PON3: variants seen among roughly 807,000 people sequenced by gnomAD.
PON3 encodes the protein paraoxonase 3.
PON3 carries 37 observed loss-of-function variants against 36.3 expected under a neutral mutation model. The observed-to-expected ratio is 1.02, with a 90% CI of 0.78 to 1.34. PON3 has a LOEUF of 1.34. Ranked by LOEUF, PON3 falls within the 40% of genes most tolerant of loss-of-function variation. The pLI, the probability that PON3 is intolerant of heterozygous loss-of-function variation, is 0.00. For synonymous variants in PON3, 155 were observed against 154.8 expected, an observed-to-expected ratio of 1.00 and a Z score of -0.01; for missense variants, 415 against 426.5, an observed-to-expected ratio of 0.97 and a Z score of 0.24.
At chr7:95,391,240 T>C (rs1809310609) in intron 2 of PON3, among the ~76,000 whole-genome samples, 1 of 152,142 alleles carries the variant, frequency 6.6e-6, no homozygotes, top group African/African-American at 2.4e-5. Flanking sequence ...TGGAACCTAT[T>C]ATGGAGTAGA....
chr7:95,380,372 GAGA>G (rs1809019353), intron 3 of PON3, among the ~76,000 whole-genome samples: 1 of 152,196 alleles, frequency 6.6e-6, no homozygotes, highest in Non-Finnish European at 1.5e-5. Flanking sequence ...GATGAGTTGA[GAGA>G]AGAAGGTTTC....
chr7:95,382,704 A>G (rs910062052), intron 3 of PON3, among the ~76,000 whole-genome samples: 3 of 152,222 alleles, frequency 2.0e-5, no homozygotes, highest in African/African-American at 7.2e-5. Context: ...AATTGAGACA[A>G]TAATTAATAG....
chr7:95,394,159 AGTGCT>A (rs2116428285), intron 2 of PON3, among the ~76,000 whole-genome samples: 1 of 152,228 alleles, frequency 6.6e-6, no homozygotes, highest in South Asian at 2.1e-4. Flanking sequence ...CGGCCTCCCA[AGTGCT>A]GGGATTACAG....
At chr7:95,375,959 C>T (rs1808905766) in intron 3 of PON3, among the ~76,000 whole-genome samples, 1 of 152,198 alleles carries the variant, frequency 6.6e-6, no homozygotes, top group South Asian at 2.1e-4. Context: ...TCATCCATCA[C>T]CACATGAACT....
At chr7:95,362,718 GGTAAGAA>G in intron 7 of PON3, 35 bp downstream of exon 7, 1 of 1,517,400 alleles carries the variant, frequency 6.6e-7, no homozygotes, top group Non-Finnish European at 9.2e-7. Flanking sequence ...ATGGGACTAA[GGTAAGAA>G]GTCAGATTGT....
At position 95,364,146 on chromosome 7, in the gene PON3, T is replaced by C. The variant is rs367818202; in HGVS notation, c.495-83A>G. 9.9e-5 allele frequency: 104 copies of C among 1,050,596 alleles called. 3 individuals carry two copies. The highest frequency in any genetic ancestry group is 2.7e-4 in the Admixed American group (16 of 58,504). The allele number at this position is 1,050,596 out of a possible 1,614,324, so 65.1% of individuals were successfully genotyped here. ...CTTGTCAAAATCACTCATCTCTACA[T>C]AGACTAATACGTTCATCAATTTGAA... On this transcript the variant is annotated intron_variant, in intron 5 of 8. Coordinates refer to ENST00000265627, the MANE Select transcript of PON3 (RefSeq NM_000940.3).
At chr7:95,365,127 T>C (rs1449712392) in intron 5 of PON3, 1 of 152,200 alleles carries the variant, frequency 6.6e-6, no homozygotes, top group Non-Finnish European at 1.5e-5. Context: ...ACAATTTGTT[T>C]CTGTAGCTCT....
intron 4 of PON3, among the ~76,000 whole-genome samples, chr7:95,368,505 A>C (rs58221300): frequency 4.6e-5 from 7 of 152,330 alleles, no homozygotes; most frequent in African/African-American, 1.7e-4. Flanking sequence ...ACGGACCTTC[A>C]GTCTTTTGCT....
intron 3 of PON3, among the ~76,000 whole-genome samples, chr7:95,389,069 C>T (rs1352526444): frequency 1.3e-5 from 2 of 151,960 alleles, no homozygotes; most frequent in African/African-American, 2.4e-5. Flanking sequence ...GCACATGTAC[C>T]CTAGAACTTA....
In PON3 at chr7:95,390,178, AG is replaced by A. The variant is rs765714759; in HGVS notation, c.176del (p.Pro59LeufsTer11). On this transcript the variant is annotated frameshift_variant, in exon 3 of 9. Transcript: ENST00000265627. LOFTEE classifies it high-confidence loss of function. Reference protein sequence around the residue: ...ESGSEDIDILPSGLAFISSGL... With the variant: ...ESGSEDIDILXSGLAFISSGL... Reference sequence around the variant, plus strand: ...CACTGGAGATAAAAGCCAGCCCACTAGGAAGTATATCAATATCTTCAGAGCC... The same window carrying A: ...CACTGGAGATAAAAGCCAGCCCACTAGAAGTATATCAATATCTTCAGAGCC... 6.2e-7 allele frequency: 1 copy of A among 1,612,144 alleles called. No homozygotes were observed.
At chr7:95,369,228 C>T (rs1808759166) in intron 4 of PON3, among the ~76,000 whole-genome samples, 2 of 152,130 alleles carry the variant, frequency 1.3e-5, no homozygotes, top group African/African-American at 4.8e-5. Context: ...TACTGTGCAT[C>T]AGATACTGTT....
intron 3 of PON3, among the ~76,000 whole-genome samples, chr7:95,386,401 C>T (rs975814610): frequency 6.6e-6 from 1 of 152,040 alleles, no homozygotes; most frequent in South Asian, 2.1e-4. Flanking sequence ...ATAAATTCCT[C>T]GACACATACA....
intron 3 of PON3, among the ~76,000 whole-genome samples, chr7:95,383,975 A>T (rs1297571428): frequency 1.3e-5 from 2 of 152,330 alleles, no homozygotes; most frequent in African/African-American, 4.8e-5. Context: ...TACAGTAACC[A>T]AAACAGCATG....
intron 1 of PON3, 45 bp downstream of exon 1, chr7:95,396,232 A>C (rs1361319874): frequency 8.1e-6 from 13 of 1,598,844 alleles, no homozygotes; most frequent in Non-Finnish European, 1.1e-5. Context: ...CACTTGGAAG[A>C]GGAGAGAAAG....
rs139856535 is a variant in PON3 at position 95,360,067 on chromosome 7, C to T, written c.971G>A (p.Gly324Asp). ...CACAGAGGTGCCCTGAAGCACAGAG[C>T]CATTGTTGGCATACACGGTGCTCAC... ...PRVSTVYANN[G>D]SVLQGTSVAS... The change falls in exon 9 of 9, where the codon GGC (glycine) becomes GAC (aspartate). Residue 324 changes from glycine (G) to aspartate (D), a missense_variant. Transcript: ENST00000265627. The T allele has an allele frequency of 2.4e-3, 3,832 of 1,613,326 alleles. 8 individuals carry two copies. The highest frequency in any genetic ancestry group is 4.0e-3 in the Middle Eastern group (24 of 6,060).
chr7:95,384,427 A>G (rs2116411970), intron 3 of PON3, among the ~76,000 whole-genome samples: 1 of 152,306 alleles, frequency 6.6e-6, no homozygotes, highest in South Asian at 2.1e-4. Context: ...AACCTACAGA[A>G]TGCAAGAAAA....
intron 3 of PON3, among the ~76,000 whole-genome samples, chr7:95,389,457 C>A (rs1419159702): frequency 6.6e-6 from 1 of 152,132 alleles, no homozygotes; most frequent in East Asian, 1.9e-4. Flanking sequence ...GGTAAATATA[C>A]TTTTTCAAAA....
rs760079209 is a variant in PON3, at chr7:95,390,162, TA to T, written c.192del (p.Phe64LeufsTer6). Reference sequence around the variant, plus strand: ...GCATGGAAAATACTCACACTGGAGATAAAAGCCAGCCCACTAGGAAGTATAT... The same window carrying T: ...GCATGGAAAATACTCACACTGGAGATAAAGCCAGCCCACTAGGAAGTATAT... ...DIDILPSGLA[F>X]ISSGLKYPGM... On this transcript the variant is annotated frameshift_variant, in exon 3 of 9. Transcript: ENST00000265627. LOFTEE classifies it high-confidence loss of function. The T allele has an allele frequency of 6.2e-7, 1 of 1,609,686 alleles. No individual in the cohort carries two copies. Among genetic ancestry groups the T allele is most frequent in the South Asian group, 1.1e-5 (1 of 90,974 alleles).
In PON3 at chr7:95,396,263, A is replaced by G; in HGVS notation, c.74+14T>C. 1 of 1,613,660 alleles carries G rather than the reference A, an allele frequency of 6.2e-7. No individual in the cohort carries two copies. The highest frequency in any genetic ancestry group is 8.5e-7 in the Non-Finnish European group (1 of 1,179,704). ...GAAAGAGAGTCGAAGACGCCCTGTC[A>G]AGATGCCACTCACCTAAACGCCAGG... On this transcript the variant is annotated intron_variant, in intron 1 of 8. Coordinates refer to ENST00000265627, the MANE Select transcript of PON3 (RefSeq NM_000940.3).
Sources: gnomAD v4.1 joint callset for allele counts (sites outside exome capture counted in the v4.1 genomes callset) on GRCh38, gnomAD v4.1.1 for gene constraint, MANE v1.5 for transcripts, NCBI Gene and HGNC (gene_info 2026-07-23, HGNC 2026-07-21) for gene names.